PRDM16: variants seen among roughly 807,000 people sequenced by gnomAD.
PRDM16 encodes histone-lysine N-methyltransferase PRDM16.
Under a neutral mutation model 110.6 loss-of-function variants are expected in PRDM16, and 23 were observed. That is an observed-to-expected ratio of 0.21 (90% CI 0.15 to 0.29). PRDM16 has a LOEUF of 0.29. Ranked by LOEUF, PRDM16 falls within the 10% of genes least tolerant of loss-of-function variation. PRDM16 has a pLI of 1.00. For synonymous variants in PRDM16, 799 were observed against 781.8 expected, an observed-to-expected ratio of 1.02 and a Z score of -0.37; for missense variants, 1,615 against 1,794.3, an observed-to-expected ratio of 0.90 and a Z score of 1.81.
chr1:3,335,444 G>T (rs997683454), intron 3 of PRDM16, among the ~76,000 whole-genome samples: 1 of 152,156 alleles, frequency 6.6e-6, no homozygotes, highest in African/African-American at 2.4e-5. Flanking sequence ...TAGCCCGGTC[G>T]CGTTAGCACG....
intron 1 of PRDM16, among the ~76,000 whole-genome samples, chr1:3,181,902 T>C (rs1644212792): frequency 9.4e-6 from 1 of 106,108 alleles, no homozygotes; most frequent in Non-Finnish European, 2.2e-5. Context: ...TTACACACGG[T>C]CTTACACACG....
rs552453881 is a variant in PRDM16, at chr1:3,205,074, G to C, written c.387+18600G>C. Among the ~76,000 whole-genome samples the C allele has an allele frequency of 3.9e-5, 6 of 152,058 alleles. No individual in the cohort carries two copies. In the East Asian group the frequency reaches 1.2e-3, roughly 30 times the overall value. ...GGGCCCCATTCACTGCCCGTGAAAG[G>C]CTCCCGTCCCCTTCCCGGGAAGGGT... On this transcript the variant is annotated intron_variant, in intron 2 of 16. Transcript: ENST00000270722.
intron 1 of PRDM16, among the ~76,000 whole-genome samples, chr1:3,115,484 G>A (rs780610421): frequency 3.9e-5 from 6 of 152,244 alleles, no homozygotes; most frequent in Non-Finnish European, 7.3e-5. Context: ...TGCACTCTGA[G>A]GATCAATATT....
chr1:3,325,265 A>G (rs2500271), intron 3 of PRDM16, among the ~76,000 whole-genome samples: 59,344 of 152,144 alleles, frequency 0.39, 12,954 homozygotes, highest in African/African-American at 0.57. Flanking sequence ...TAAGCTGCTC[A>G]GCTGGGGTAG....
At chr1:3,178,886 T>C (rs1280219256) in intron 1 of PRDM16, among the ~76,000 whole-genome samples, 1 of 152,082 alleles carries the variant, frequency 6.6e-6, no homozygotes, top group Non-Finnish European at 1.5e-5. Flanking sequence ...CCACTCAGAC[T>C]CCTGAGCCAC....
chr1:3,300,055 G>A (rs1641175224), intron 3 of PRDM16, among the ~76,000 whole-genome samples: 1 of 95,854 alleles, frequency 1.0e-5, no homozygotes, highest in Non-Finnish European at 2.4e-5. Context: ...TCCCAGTCAT[G>A]GTGACTCTGC....
chr1:3,118,777 G>A (rs1643025774), intron 1 of PRDM16, among the ~76,000 whole-genome samples: 1 of 152,192 alleles, frequency 6.6e-6, no homozygotes, highest in Non-Finnish European at 1.5e-5. Context: ...GCGTGCTAGG[G>A]CGTGCGTGTA....
chr1:3,145,999 G>A (rs540087048), intron 1 of PRDM16, among the ~76,000 whole-genome samples: 16 of 152,278 alleles, frequency 1.1e-4, no homozygotes, highest in African/African-American at 3.4e-4. Flanking sequence ...CCTCACCGCG[G>A]GTATCAGGCC....
rs141305308 is a variant in PRDM16 at position 3,365,200 on chromosome 1, G to GGGT, written c.439-19949_439-19947dup. Among the ~76,000 whole-genome samples the GGGT allele has an allele frequency of 4.2e-3, 643 of 152,246 alleles. 5 individuals carry two copies. The highest frequency in any genetic ancestry group is 0.015 in the African/African-American group (609 of 41,554). On this transcript the variant is annotated intron_variant, in intron 3 of 16. Transcript: ENST00000270722. ...AGCTTGGCAGTGCCCAGGGGGCCTT[G>GGGT]GGTGGGCGCAGTGACCCTGGGCGCC... is the stretch of plus-strand genomic sequence containing the variant.
chr1:3,193,857 T>C (rs1638382523), intron 2 of PRDM16, among the ~76,000 whole-genome samples: 1 of 152,124 alleles, frequency 6.6e-6, no homozygotes, highest in East Asian at 1.9e-4. Context: ...TGTGTTCGTG[T>C]TGCCTGGGGA....
Position 3,201,714 on chromosome 1 carries a change from G to A in PRDM16, c.387+15240G>A, listed in dbSNP as rs1442196481. Among the ~76,000 whole-genome samples, 1 of 152,258 alleles carries A rather than the reference G, an allele frequency of 6.6e-6. No homozygotes were observed. The highest frequency in any genetic ancestry group is 1.5e-5 in the Non-Finnish European group (1 of 68,044). ...CAGGGCAGGACCTCCCCGCTTGGATGCTGGTGACACATTCTTCAGCTGGAG... is the reference window on the plus strand; with the variant it reads ...CAGGGCAGGACCTCCCCGCTTGGATACTGGTGACACATTCTTCAGCTGGAG... On this transcript the variant is annotated intron_variant, in intron 2 of 16. Coordinates refer to ENST00000270722, the MANE Select transcript of PRDM16 (RefSeq NM_022114.4). This position sits in a 1 kb window ranked among gnomAD's most constrained non-coding sequence, Gnocchi z 4.1.
At position 3,124,112 on chromosome 1, in the gene PRDM16, G is replaced by A. The variant is rs531110566; in HGVS notation, c.37+54816G>A. ...GAACCCCCAAGAACTGCTGGGACCC[G>A]GGTGCTTAGGAGGGCAGGGCCGGTG... On this transcript the variant is annotated intron_variant, in intron 1 of 16. Coordinates refer to ENST00000270722, the MANE Select transcript of PRDM16 (RefSeq NM_022114.4). Among the ~76,000 whole-genome samples, 83 of 152,190 alleles carry A rather than the reference G, an allele frequency of 5.5e-4. 1 individual carries two copies. The highest frequency in any genetic ancestry group is 9.7e-4 in the Non-Finnish European group (66 of 68,024).
chr1:3,098,989 T>C (rs1642470964), intron 1 of PRDM16, among the ~76,000 whole-genome samples: 1 of 152,210 alleles, frequency 6.6e-6, no homozygotes, highest in South Asian at 2.1e-4. Flanking sequence ...GAAAAGGAGC[T>C]GGTCCATCCC....
intron 1 of PRDM16, among the ~76,000 whole-genome samples, chr1:3,116,364 T>G (rs1642959624): frequency 6.6e-6 from 1 of 152,108 alleles, no homozygotes; most frequent in Non-Finnish European, 1.5e-5. Flanking sequence ...CCAGGGCCAA[T>G]GACGGGGGGG....
chr1:3,396,505 C>T lies in PRDM16; in HGVS notation c.588C>T (p.Val196=). Residue 196 remains valine, a synonymous_variant, in exon 5 of 17, where the codon GTC becomes GTT. Transcript: ENST00000270722. ...CQISEQIYYK[V]IKDIEPGEEL... ...CTCCATCCTAGATTTACTATAAAGT[C>T]ATTAAGGACATTGAGCCAGGTGAGG... 2 of 1,591,878 alleles carry T rather than the reference C, an allele frequency of 1.3e-6. No individual in the cohort carries two copies. The highest frequency in any genetic ancestry group is 1.7e-6 in the Non-Finnish European group (2 of 1,164,492).
Position 3,358,730 on chromosome 1 carries a change from G to A in PRDM16, c.439-26422G>A, listed in dbSNP as rs1642659110. 6.6e-6 allele frequency among the ~76,000 whole-genome samples: 1 copy of A among 152,186 alleles called. No individual in the cohort carries two copies. The highest frequency in any genetic ancestry group is 1.5e-5 in the Non-Finnish European group (1 of 68,038). ...TCGCCACGTGTGCGCGATCAGAGCT[G>A]AGTAACCTGCTCCAAACCCAGGACA... On this transcript the variant is annotated intron_variant, in intron 3 of 16. Transcript: ENST00000270722. The surrounding 1 kb of genome is among the most constrained non-coding windows in gnomAD (Gnocchi z 4.0).
chr1:3,437,017 C>T lies in PRDM16; in HGVS notation c.*3206C>T, dbSNP rs1638927805. 4 of 233,064 alleles carry T rather than the reference C, an allele frequency of 1.7e-5. No homozygotes were observed. Among genetic ancestry groups the T allele is most frequent in the African/African-American group, 8.8e-5 (4 of 45,342 alleles). 14.4% of individuals were successfully genotyped at this position (233,064 alleles called of 1,614,324 possible). A position where few individuals can be genotyped will look rare whatever the true frequency, so the allele number is the denominator to read the frequency against. Reference sequence around the variant, plus strand: ...CCCCACCCGTTCCTGCTCTCATCCCCAGGTTGGGCACGTGGGGTTCCTCCT... The same window carrying T: ...CCCCACCCGTTCCTGCTCTCATCCCTAGGTTGGGCACGTGGGGTTCCTCCT... On this transcript the variant is annotated 3_prime_UTR_variant, in exon 17 of 17. Transcript: ENST00000270722.
chr1:3,380,697 G>T (rs1210120267), intron 3 of PRDM16, among the ~76,000 whole-genome samples: 1 of 152,192 alleles, frequency 6.6e-6, no homozygotes, highest in Non-Finnish European at 1.5e-5. Context: ...GGCAGGGGAG[G>T]GTTAGTACTC....
intron 3 of PRDM16, among the ~76,000 whole-genome samples, chr1:3,284,132 C>T (rs749027563): frequency 1.2e-4 from 18 of 152,094 alleles, no homozygotes; most frequent in African/African-American, 2.4e-4. Context: ...GTAGCCCGCC[C>T]GGGAAGCTGG....
Sources: gnomAD v4.1 joint callset for allele counts (sites outside exome capture counted in the v4.1 genomes callset) on GRCh38, gnomAD v4.1.1 for gene constraint, Gnocchi (gnomAD v3.1) non-coding constraint, MANE v1.5 for transcripts, NCBI Gene and HGNC (gene_info 2026-07-23, HGNC 2026-07-21) for gene names.